The following CRISP3 variants were observed in gnomAD, a reference collection of about 807,000 sequenced individuals.
CRISP3 encodes the protein cysteine rich secretory protein 3.
CRISP3 carries 33 observed loss-of-function variants against 36.1 expected under a neutral mutation model. That is an observed-to-expected ratio of 0.91 (90% CI 0.69 to 1.22). CRISP3 has a LOEUF of 1.22. Among genes scored for constraint, CRISP3 ranks in the 50% most tolerant of loss-of-function variants. CRISP3 has a pLI of 0.00. For missense variants in CRISP3, 330 were observed against 301.2 expected, an observed-to-expected ratio of 1.10 and a Z score of -0.71; for synonymous variants, 117 against 104.6, an observed-to-expected ratio of 1.12 and a Z score of -0.72.
chr6:49,740,688 A>G (rs1769176397), intron 1 of CRISP3, among the ~76,000 whole-genome samples: 1 of 121,046 alleles, frequency 8.3e-6, no homozygotes, highest in Non-Finnish European at 1.7e-5. Context: ...AATGCCTGTT[A>G]GTTTCTACTC....
chr6:49,728,792 T>A lies in CRISP3; in HGVS notation c.715A>T (p.Lys239Ter). ...CAACTGTCCCTGACCAACTGATGTT[T>A]ACAGGTTAATGTGAGCTTCAAACTT... The part of the protein sequence containing the change: ...CKSLKLTLTC[K>*]HQLVRDSCKA... The change falls in exon 8 of 8, where the codon AAA (lysine) becomes TAA (stop). Residue 239 changes from lysine to a stop codon, truncating the protein, a stop_gained. Coordinates refer to ENST00000263045, the MANE Select transcript of CRISP3 (RefSeq NM_006061.4). LOFTEE classifies it low-confidence loss of function (END_TRUNC). 1 of 1,612,806 alleles carries A rather than the reference T, an allele frequency of 6.2e-7. No individual in the cohort carries two copies. Among genetic ancestry groups the A allele is most frequent in the African/African-American group, 1.3e-5 (1 of 75,012 alleles).
At chr6:49,740,074 T>C (rs1444957750) in intron 1 of CRISP3, among the ~76,000 whole-genome samples, 1 of 152,202 alleles carries the variant, frequency 6.6e-6, no homozygotes, top group Non-Finnish European at 1.5e-5. Flanking sequence ...TAATTCCAGA[T>C]CTACAGCAGA....
intron 7 of CRISP3, 93 bp downstream of exon 7, chr6:49,731,070 A>G: frequency 1.2e-6 from 1 of 868,990 alleles, no homozygotes; most frequent in Non-Finnish European, 1.8e-6. Context: ...GCATGAAGGC[A>G]TTGCTTAAGT....
At chr6:49,737,499 C>T in intron 1 of CRISP3, 101 bp from the exon 2 acceptor site, 3 of 1,186,824 alleles carry the variant, frequency 2.5e-6, no homozygotes, top group Non-Finnish European at 3.7e-6. Flanking sequence ...CCTCCATTAT[C>T]CCAAATTCAT....
chr6:49,733,761 T>G lies in CRISP3; in HGVS notation c.404A>C (p.Asp135Ala). Residue 135 changes from aspartate (D) to alanine (A), a missense_variant, in exon 5 of 8, where the codon GAT (aspartate) becomes GCT (alanine). Asp to Ala is a moderately radical substitution (Grantham distance 126). Coordinates refer to ENST00000263045, the MANE Select transcript of CRISP3 (RefSeq NM_006061.4). The part of the protein sequence containing the change: ...AIQSWFDEYN[D>A]FDFGVGPKTP... ...CTTTGGCCCTACACCAAAGTCAAAA[T>G]CATTGTACTCATCAAACCAGCTTTG... The G allele has an allele frequency of 6.2e-7, 1 of 1,613,806 alleles. No homozygotes were observed. The highest frequency in any genetic ancestry group is 8.5e-7 in the Non-Finnish European group (1 of 1,179,762).
rs575492312 is a variant in CRISP3 at position 49,730,066 on chromosome 6, CAATT to C, written c.649+1093_649+1096del. Among the ~76,000 whole-genome samples, 456 of 152,024 alleles carry C rather than the reference CAATT, an allele frequency of 3.0e-3. 5 individuals carry two copies. The highest frequency in any genetic ancestry group is 0.01 in the African/African-American group (427 of 41,492). On this transcript the variant is annotated intron_variant, in intron 7 of 7. Transcript: ENST00000263045. ...ATCAGTATTCTGAATTATAGCTACACAATTCAGTCAGAAAAAAAATGTTACAATT... is the reference window on the plus strand; with the variant it reads ...ATCAGTATTCTGAATTATAGCTACACCAGTCAGAAAAAAAATGTTACAATT...
At chr6:49,734,734 G>A (rs1769001071) in intron 4 of CRISP3, among the ~76,000 whole-genome samples, 1 of 151,974 alleles carries the variant, frequency 6.6e-6, no homozygotes, top group South Asian at 2.1e-4. Context: ...GATAACAGTG[G>A]CTGTCCTATT....
intron 6 of CRISP3, among the ~76,000 whole-genome samples, chr6:49,732,827 T>C (rs1282396797): frequency 6.6e-6 from 1 of 152,190 alleles, no homozygotes; most frequent in Non-Finnish European, 1.5e-5. Context: ...CCTTACTTTA[T>C]CCCTGGACTA....
chr6:49,738,298 C>T (rs933309581), intron 1 of CRISP3, among the ~76,000 whole-genome samples: 1 of 152,014 alleles, frequency 6.6e-6, no homozygotes, highest in Non-Finnish European at 1.5e-5. Context: ...AATTACATGC[C>T]TAGCAATAGG....
chr6:49,742,499 G>A (rs1216130017), intron 1 of CRISP3, among the ~76,000 whole-genome samples: 1 of 151,882 alleles, frequency 6.6e-6, no homozygotes, highest in Non-Finnish European at 1.5e-5. Flanking sequence ...GGGCATGGTG[G>A]TGCATGTCTG....
chr6:49,733,920 A>C (rs552780455), intron 4 of CRISP3, 72 bp from the exon 5 acceptor site: 1 of 1,299,340 alleles, frequency 7.7e-7, no homozygotes, highest in Non-Finnish European at 1.1e-6. Flanking sequence ...AAACACACAC[A>C]CACTACACAC....
At chr6:49,740,373 T>C (rs939367576) in intron 1 of CRISP3, among the ~76,000 whole-genome samples, 5 of 152,180 alleles carry the variant, frequency 3.3e-5, no homozygotes, top group Admixed American at 6.6e-5. Context: ...ATTAATCAAA[T>C]GGTCTATTTA....
intron 1 of CRISP3, among the ~76,000 whole-genome samples, chr6:49,739,662 C>A (rs1211822950): frequency 6.6e-6 from 1 of 152,112 alleles, no homozygotes; most frequent in African/African-American, 2.4e-5. Flanking sequence ...TCCATCCCCA[C>A]CTCTCCTCCC....
In CRISP3 at chr6:49,728,774, C is replaced by A. The variant is rs1178207256; in HGVS notation, c.733G>T (p.Asp245Tyr). The A allele has an allele frequency of 6.2e-7, 1 of 1,612,460 alleles. No individual in the cohort carries two copies. Among genetic ancestry groups the A allele is most frequent in the East Asian group, 2.2e-5 (1 of 44,826 alleles). The change falls in exon 8 of 8, where the codon GAC becomes TAC. Residue 245 changes from aspartate (D) to tyrosine (Y), a missense_variant. By Grantham distance (160) the Asp-to-Tyr change is radical (BLOSUM62 -3). Coordinates refer to ENST00000263045, the MANE Select transcript of CRISP3 (RefSeq NM_006061.4). Reference protein sequence around the residue: ...TLTCKHQLVRDSCKASCNCSN... With the variant: ...TLTCKHQLVRYSCKASCNCSN... ...CAATTGCAGGAGGCCTTGCAACTGTCCCTGACCAACTGATGTTTACAGGTT... is the reference window on the plus strand; with the variant it reads ...CAATTGCAGGAGGCCTTGCAACTGTACCTGACCAACTGATGTTTACAGGTT...
intron 4 of CRISP3, 116 bp downstream of exon 4, chr6:49,735,387 GA>G: frequency 5.5e-6 from 4 of 721,976 alleles, no homozygotes; most frequent in Non-Finnish European, 7.0e-6. Flanking sequence ...AGTCCATATT[GA>G]AAAAGGTAGC....
intron 1 of CRISP3, among the ~76,000 whole-genome samples, chr6:49,740,938 A>G (rs1383046090): frequency 6.6e-6 from 1 of 151,872 alleles, no homozygotes; most frequent in Non-Finnish European, 1.5e-5. Context: ...CATCTCTACT[A>G]AAAATACAAA....
chr6:49,738,585 G>C lies in CRISP3; in HGVS notation c.38-1187C>G, dbSNP rs1019562035. Among the ~76,000 whole-genome samples, 3 of 152,078 alleles carry C rather than the reference G, an allele frequency of 2.0e-5. No individual in the cohort carries two copies. In the East Asian group the frequency reaches 5.8e-4, roughly 29 times the overall value. On this transcript the variant is annotated intron_variant, in intron 1 of 7. Transcript: ENST00000263045. ...CCTGAACCTCAGCTCTGGGGGCTGG[G>C]ACTGGGTCTCCCTTAGACTATGAAC... is the stretch of plus-strand genomic sequence containing the variant.
chr6:49,733,894 A>G, intron 4 of CRISP3, 46 bp from the exon 5 acceptor site: 5 of 1,561,664 alleles, frequency 3.2e-6, no homozygotes, highest in Non-Finnish European at 4.4e-6. Flanking sequence ...AAAGCATGCA[A>G]TGGCAAAATA....
intron 2 of CRISP3, 49 bp from the exon 3 acceptor site, chr6:49,736,556 C>T (rs377241728): frequency 9.3e-6 from 12 of 1,286,058 alleles, no homozygotes; most frequent in African/African-American, 1.5e-5. Context: ...TTGGAAATTG[C>T]ACATAATAGT....
Sources: allele counts gnomAD v4.1 joint callset (sites outside exome capture counted in the v4.1 genomes callset), GRCh38; gene constraint gnomAD v4.1.1; transcripts MANE v1.5; gene names NCBI Gene and HGNC (gene_info 2026-07-23, HGNC 2026-07-21).